TRA2A: variants seen among roughly 807,000 people sequenced by gnomAD.
The protein encoded by TRA2A is transformer 2 alpha homolog, also known as transformer-2 protein homolog alpha.
A neutral mutation model predicts 45.7 loss-of-function variants in TRA2A; 31 were observed. That is an observed-to-expected ratio of 0.68 (90% CI 0.51 to 0.92). TRA2A has a LOEUF of 0.92. TRA2A is among the 40% of genes least tolerant of loss of function. The pLI, the probability that TRA2A is intolerant of heterozygous loss-of-function variation, is 0.00. For missense variants in TRA2A, 304 were observed against 367.5 expected (o/e 0.83, Z 1.41); for synonymous variants, 132 against 126.2 (o/e 1.05, Z -0.31).
chr7:23,523,024 G>A (rs959337010), intron 1 of TRA2A, among the ~76,000 whole-genome samples: 3 of 152,010 alleles, frequency 2.0e-5, no homozygotes, highest in Admixed American at 6.6e-5. Context: ...CAAACATACC[G>A]AAAAAACTAA....
intron 1 of TRA2A, among the ~76,000 whole-genome samples, chr7:23,529,583 T>C (rs545618921): frequency 7.2e-5 from 11 of 152,270 alleles, no homozygotes; most frequent in African/African-American, 2.4e-4. Context: ...AAAAAGGGCA[T>C]CTCCAGACAA....
intron 1 of TRA2A, among the ~76,000 whole-genome samples, chr7:23,528,009 T>C (rs749352337): frequency 4.6e-5 from 7 of 152,066 alleles, no homozygotes; most frequent in Non-Finnish European, 8.8e-5. Flanking sequence ...TTTAGGAAAA[T>C]AGATTAAACC....
chr7:23,505,839 C>T (rs1789309636), intron 6 of TRA2A, 26 bp from the exon 7 acceptor site: 1 of 1,381,906 alleles, frequency 7.2e-7, no homozygotes, highest in Non-Finnish European at 9.9e-7. Context: ...GATTACTTAG[C>T]ATACTATATA....
rs921894588 is a variant in TRA2A at position 23,513,031 on chromosome 7, T to C, written c.388A>G (p.Thr130Ala). The C allele has an allele frequency of 6.2e-7, 1 of 1,613,768 alleles. No homozygotes were observed. Among genetic ancestry groups the C allele is most frequent in the Non-Finnish European group, 8.5e-7 (1 of 1,179,788 alleles). ...ACTTCACGAAGATCCCTCTCTGTTG[T>C]GTACAAACTGAGGCCAAACACTCCA... ...CLGVFGLSLY[T>A]TERDLREVFS... Residue 130 changes from threonine to alanine, a missense_variant, in exon 4 of 8, where the codon ACA becomes GCA. Transcript: ENST00000297071.
rs1004961943 is a variant in TRA2A at position 23,529,669 on chromosome 7, G to A, written c.36+2120C>T. On this transcript the variant is annotated intron_variant, in intron 1 of 7. Coordinates refer to ENST00000297071, the MANE Select transcript of TRA2A (RefSeq NM_013293.5). ...TCTCATCCTATAAAAACTAAAAGAC[G>A]AAAAATAAAAAGATACAACAGGTGA... Among the ~76,000 whole-genome samples the A allele has an allele frequency of 2.6e-5, 4 of 151,918 alleles. No individual in the cohort carries two copies. The South Asian group carries it at 6.2e-4, about 24-fold the overall frequency.
chr7:23,520,652 G>A (rs1175696980), intron 2 of TRA2A, among the ~76,000 whole-genome samples: 3 of 150,344 alleles, frequency 2.0e-5, no homozygotes, highest in African/African-American at 4.9e-5. Flanking sequence ...GAAATGACAA[G>A]GACGTAAGCT....
intron 5 of TRA2A, chr7:23,507,174 C>G (rs188902404): frequency 7.3e-4 from 349 of 479,146 alleles, no homozygotes; most frequent in African/African-American, 6.2e-3. Flanking sequence ...TGCCCAGGCT[C>G]ACTGCAACCT....
intron 4 of TRA2A, among the ~76,000 whole-genome samples, chr7:23,509,271 C>T (rs1260139819): frequency 2.0e-5 from 3 of 151,848 alleles, no homozygotes; most frequent in Non-Finnish European, 4.4e-5. Context: ...ATCCTAAGCA[C>T]CCCCCAAAAA....
rs1241335613 is a variant in TRA2A at position 23,516,269 on chromosome 7, A to G, written c.336+94T>C. ...AGGATGTTTCCAGAGTATCACTTCT[A>G]AACAATGGCCAAGCTCCCCTAAAAG... On this transcript the variant is annotated intron_variant, in intron 3 of 7. Coordinates refer to ENST00000297071, the MANE Select transcript of TRA2A (RefSeq NM_013293.5). The G allele has an allele frequency of 9.1e-6, 12 of 1,323,566 alleles. No homozygotes were observed. In the East Asian group the frequency reaches 9.4e-5, roughly 10 times the overall value. The allele number at this position is 1,323,566 out of a possible 1,614,324, so 82.0% of individuals were successfully genotyped here. A position where few individuals can be genotyped will look rare whatever the true frequency, so the allele number is the denominator to read the frequency against.
rs1308914330 is a variant in TRA2A at position 23,505,434 on chromosome 7, C to T, written c.*125G>A. On this transcript the variant is annotated 3_prime_UTR_variant, in exon 8 of 8. Coordinates refer to ENST00000297071, the MANE Select transcript of TRA2A (RefSeq NM_013293.5). ...AACACAACTGACAAAAGTGTAGATG[C>T]TAAATAAACCAAAGTTTTTTTCTTA... 1.6e-5 allele frequency: 8 copies of T among 499,680 alleles called. No individual in the cohort carries two copies. The highest frequency in any genetic ancestry group is 3.2e-5 in the East Asian group (1 of 31,148). The allele number at this position is 499,680 out of a possible 1,614,324, so 31.0% of individuals were successfully genotyped here.
At chr7:23,530,467 C>A (rs1187321057) in intron 1 of TRA2A, among the ~76,000 whole-genome samples, 1 of 152,172 alleles carries the variant, frequency 6.6e-6, no homozygotes, top group South Asian at 2.1e-4. Context: ...AAAATTCGCC[C>A]TTCAGCACAC....
At chr7:23,511,370 CAAAAAAAAAAAAAAAAAAAAAAA>C (rs567187750) in intron 4 of TRA2A, among the ~76,000 whole-genome samples, 36 of 40,114 alleles carry the variant, frequency 9.0e-4, no homozygotes, top group Admixed American at 3.4e-3. Flanking sequence ...GACTCCATCT[CAAAAAAAAAAAAAAAAAAAAAAA>C]AAAAAAAAAA....
intron 1 of TRA2A, among the ~76,000 whole-genome samples, chr7:23,529,953 G>A (rs1584151429): frequency 6.7e-6 from 1 of 149,180 alleles, no homozygotes; most frequent in Non-Finnish European, 1.5e-5. Flanking sequence ...GACAATTGTC[G>A]GCAACTTACT....
chr7:23,513,862 G>C (rs1584119543), intron 3 of TRA2A, among the ~76,000 whole-genome samples: 1 of 152,022 alleles, frequency 6.6e-6, no homozygotes, highest in African/African-American at 2.4e-5. Context: ...CTTTTTAAAA[G>C]AGGCAAAGGC....
In TRA2A at chr7:23,519,464, C is replaced by T. The variant is rs910358485; in HGVS notation, c.170+2243G>A. 2.0e-5 allele frequency among the ~76,000 whole-genome samples: 3 copies of T among 152,130 alleles called. No individual in the cohort carries two copies. The East Asian group carries it at 5.8e-4, about 29-fold the overall frequency. On this transcript the variant is annotated intron_variant, in intron 2 of 7. Transcript: ENST00000297071. ...ACAGTCATATAAAATACCTTCTATA[C>T]GGTACTCAATGAACCCAGGAGGTGG...
At chr7:23,528,601 C>A (rs1458509439) in intron 1 of TRA2A, among the ~76,000 whole-genome samples, 1 of 151,862 alleles carries the variant, frequency 6.6e-6, no homozygotes, top group Non-Finnish European at 1.5e-5. Context: ...CCCCCTATTT[C>A]TTCTATTTTT....
chr7:23,512,788 GAAA>G, intron 4 of TRA2A, 103 bp downstream of exon 4: 1 of 837,202 alleles, frequency 1.2e-6, no homozygotes, highest in Non-Finnish European at 1.7e-6. Flanking sequence ...AAAAAAAAAA[GAAA>G]AAAAGGAAGA....
chr7:23,507,334 A>G, intron 5 of TRA2A, 86 bp downstream of exon 5: 1 of 1,043,976 alleles, frequency 9.6e-7, no homozygotes, highest in Non-Finnish European at 1.5e-6. Flanking sequence ...AATTCTAATT[A>G]TAGGAAAAAA....
At chr7:23,528,627 C>A (rs1455188376) in intron 1 of TRA2A, among the ~76,000 whole-genome samples, 1 of 152,010 alleles carries the variant, frequency 6.6e-6, no homozygotes, top group East Asian at 1.9e-4. Context: ...AAAATCTATA[C>A]ACACAAATCT....
Sources: allele counts gnomAD v4.1 joint callset (sites outside exome capture counted in the v4.1 genomes callset), GRCh38; gene constraint gnomAD v4.1.1; transcripts MANE v1.5; gene names NCBI Gene and HGNC (gene_info 2026-07-23, HGNC 2026-07-21).